CDKL2: variants seen among roughly 807,000 people sequenced by gnomAD.
CDKL2 encodes cyclin dependent kinase like 2.
In CDKL2, 64 loss-of-function variants were observed where a neutral mutation model predicts 63.9. That is an observed-to-expected ratio of 1.00 (90% CI 0.82 to 1.23). The LOEUF is 1.23. Ranked by LOEUF, CDKL2 falls within the 50% of genes most tolerant of loss-of-function variation. CDKL2 has a pLI of 0.00. For missense variants in CDKL2, 656 were observed against 668.0 expected (o/e 0.98, Z 0.20); for synonymous variants, 211 against 229.2 (o/e 0.92, Z 0.72).
intron 3 of CDKL2, among the ~76,000 whole-genome samples, chr4:75,610,751 A>C (rs1237618148): frequency 6.6e-6 from 1 of 152,192 alleles, no homozygotes; most frequent in Non-Finnish European, 1.5e-5. Flanking sequence ...AAAAATGAAT[A>C]ATATATTTGA....
At chr4:75,611,560 G>A (rs1473053783) in intron 3 of CDKL2, among the ~76,000 whole-genome samples, 2 of 150,882 alleles carry the variant, frequency 1.3e-5, no homozygotes, top group East Asian at 2.0e-4. Context: ...GTGTTCATAA[G>A]TTAGAGTGAG....
chr4:75,582,701 A>AC (rs1196244314), intron 12 of CDKL2, among the ~76,000 whole-genome samples: 1 of 152,158 alleles, frequency 6.6e-6, no homozygotes, highest in Admixed American at 6.5e-5. Context: ...CAAACCCCAA[A>AC]CAGGACAGAC....
chr4:75,589,343 C>A, intron 12 of CDKL2, among the ~76,000 whole-genome samples: 1 of 131,562 alleles, frequency 7.6e-6, no homozygotes, highest in African/African-American at 2.9e-5. Context: ...CTCGCTCTGT[C>A]GCCCAGGCTG....
intron 7 of CDKL2, among the ~76,000 whole-genome samples, chr4:75,598,549 T>C (rs2148878655): frequency 6.6e-6 from 1 of 151,120 alleles, no homozygotes; most frequent in African/African-American, 2.4e-5. Flanking sequence ...CTAGCAGTCA[T>C]TACTTTCTTG....
chr4:75,599,671 A>G (rs949843296), intron 7 of CDKL2, among the ~76,000 whole-genome samples: 2 of 152,130 alleles, frequency 1.3e-5, no homozygotes, highest in African/African-American at 4.8e-5. Flanking sequence ...GTTTCTTCAT[A>G]TACTTCCACA....
rs138541328 is a variant in CDKL2, at chr4:75,577,547, A to G, written c.*1655T>C. Among the ~76,000 whole-genome samples, 284 of 152,342 alleles carry G rather than the reference A, an allele frequency of 1.9e-3. 3 individuals carry two copies. The highest frequency in any genetic ancestry group is 6.5e-3 in the African/African-American group (272 of 41,580). On this transcript the variant is annotated 3_prime_UTR_variant, in exon 14 of 14. Transcript: ENST00000307465. ...CCATTGAGCTGATATTCTCACACTG[A>G]TCTTTACATAAAAATAGTATTGAAA...
At chr4:75,614,539 A>C in intron 2 of CDKL2, 90 bp from the exon 3 acceptor site, 1 of 765,998 alleles carries the variant, frequency 1.3e-6, no homozygotes, top group South Asian at 2.2e-5. Flanking sequence ...TTAATTATTT[A>C]AAATAGATCT....
intron 10 of CDKL2, among the ~76,000 whole-genome samples, chr4:75,593,583 T>G (rs1728797152): frequency 6.6e-6 from 1 of 152,162 alleles, no homozygotes; most frequent in Non-Finnish European, 1.5e-5. Context: ...GCATTGATTA[T>G]GCAATACCTG....
At chr4:75,592,704 T>C (rs1256046860) in intron 10 of CDKL2, among the ~76,000 whole-genome samples, 1 of 152,206 alleles carries the variant, frequency 6.6e-6, no homozygotes, top group Non-Finnish European at 1.5e-5. Context: ...CCTAGCTTAT[T>C]TTTCACTTTC....
chr4:75,613,123 T>TGAAAAAA, intron 3 of CDKL2, among the ~76,000 whole-genome samples: 1 of 43,322 alleles, frequency 2.3e-5, no homozygotes, highest in East Asian at 8.3e-4. Context: ...AGACTCCGTT[T>TGAAAAAA]CAAAAAAAAA....
chr4:75,596,883 T>A, intron 9 of CDKL2, 52 bp downstream of exon 9: 1 of 1,459,360 alleles, frequency 6.9e-7, no homozygotes, highest in Non-Finnish European at 9.4e-7. Context: ...ACCCTTGCAA[T>A]TTGCAAATAT....
At position 75,591,698 on chromosome 4, in the gene CDKL2, T is replaced by C. The variant is rs1728721649; in HGVS notation, c.1647+121A>G. 9.9e-6 allele frequency: 6 copies of C among 603,626 alleles called. No homozygotes were observed. In the South Asian group the frequency reaches 1.6e-4, roughly 16 times the overall value. The allele number at this position is 603,626 out of a possible 1,614,324, so 37.4% of individuals were successfully genotyped here. A position where few individuals can be genotyped will look rare whatever the true frequency, so the allele number is the denominator to read the frequency against. ...AATCAAACAACATTTGCAAGCAAAA[T>C]GTTATAGATCCCACCAATAAACCTG... On this transcript the variant is annotated intron_variant, in intron 12 of 13. Coordinates refer to ENST00000307465, the MANE Select transcript of CDKL2 (RefSeq NM_001330724.2).
At chr4:75,607,937 C>T (rs1051882018) in intron 3 of CDKL2, among the ~76,000 whole-genome samples, 1 of 151,880 alleles carries the variant, frequency 6.6e-6, no homozygotes. Flanking sequence ...CTCAGCCTCC[C>T]GAGTAGGTGG....
intron 7 of CDKL2, 34 bp downstream of exon 7, chr4:75,600,247 G>C (rs752183586): frequency 6.6e-6 from 9 of 1,361,374 alleles, no homozygotes; most frequent in Non-Finnish European, 9.4e-6. Flanking sequence ...ACCCTAGGTT[G>C]GTATGGCCTG....
intron 7 of CDKL2, among the ~76,000 whole-genome samples, chr4:75,599,763 A>C (rs1369574905): frequency 6.6e-6 from 1 of 152,114 alleles, no homozygotes; most frequent in Admixed American, 6.6e-5. Flanking sequence ...TGTTACTGCC[A>C]CTCATCTCAC....
At chr4:75,599,548 C>CAAAAAAAAAAAAA (rs71657365) in intron 7 of CDKL2, among the ~76,000 whole-genome samples, 17 of 69,626 alleles carry the variant, frequency 2.4e-4, no homozygotes, top group East Asian at 9.6e-4. Flanking sequence ...GCAACAAGAG[C>CAAAAAAAAAAAAA]AAAAAAAAAA....
intron 3 of CDKL2, among the ~76,000 whole-genome samples, chr4:75,613,020 G>A (rs982169554): frequency 1.2e-4 from 18 of 152,110 alleles, no homozygotes; most frequent in African/African-American, 4.3e-4. Context: ...AGCTACTCCG[G>A]AGGCTGAGGC....
At position 75,577,173 on chromosome 4, in the gene CDKL2, C is replaced by T. The variant is rs191187309; in HGVS notation, c.*2029G>A. On this transcript the variant is annotated 3_prime_UTR_variant, in exon 14 of 14. Coordinates refer to ENST00000307465, the MANE Select transcript of CDKL2 (RefSeq NM_001330724.2). ...TACATGCAGCAAGCCCACTGCTCCC[C>T]ACCAGTACATACACATATTCCCTAT... Among the ~76,000 whole-genome samples the T allele has an allele frequency of 4.6e-5, 7 of 152,178 alleles. No individual in the cohort carries two copies. In the East Asian group the frequency reaches 1.3e-3, roughly 29 times the overall value.
In CDKL2 at chr4:75,586,839, T is replaced by C. The variant is rs541838381; in HGVS notation, c.1648-4941A>G. Among the ~76,000 whole-genome samples the C allele has an allele frequency of 1.5e-3, 230 of 152,246 alleles. 2 individuals are homozygous for C. The highest frequency in any genetic ancestry group is 6.9e-4 in the Non-Finnish European group (47 of 68,006). ...AAAGCAGTGCTTAGAGGAAAATGTGTAGCTTTACATGCTTACATTACAAAA... is the reference window on the plus strand; with the variant it reads ...AAAGCAGTGCTTAGAGGAAAATGTGCAGCTTTACATGCTTACATTACAAAA... On this transcript the variant is annotated intron_variant, in intron 12 of 13. Transcript: ENST00000307465.
Sources: gnomAD v4.1 joint callset for allele counts (sites outside exome capture counted in the v4.1 genomes callset) on GRCh38, gnomAD v4.1.1 for gene constraint, MANE v1.5 for transcripts, NCBI Gene and HGNC (gene_info 2026-07-23, HGNC 2026-07-21) for gene names.